SRGAP2: variants seen among roughly 807,000 people sequenced by gnomAD.
SRGAP2 encodes the protein SLIT-ROBO Rho GTPase-activating protein 2.
Under a neutral mutation model 57.2 loss-of-function variants are expected in SRGAP2, and 15 were observed. The observed-to-expected ratio is 0.26, with a 90% CI of 0.18 to 0.40. SRGAP2 has a LOEUF of 0.40. SRGAP2 is among the 10% of genes least tolerant of loss of function. The probability of loss-of-function intolerance (pLI) is 1.00; values close to 1 mark genes in which losing one functional copy is unlikely to be tolerated. For synonymous variants in SRGAP2, 249 were observed against 248.0 expected (o/e 1.00, Z -0.04); for missense variants, 520 against 669.6 (o/e 0.78, Z 2.47).
chr1:206,310,967 C>T (rs1219534768), intron 3 of SRGAP2, among the ~76,000 whole-genome samples: 1 of 149,054 alleles, frequency 6.7e-6, no homozygotes, highest in African/African-American at 2.5e-5. Flanking sequence ...GCTTCTTATT[C>T]CATCCCGAGA....
At chr1:206,216,816 G>GT (rs1666682202) in intron 2 of SRGAP2, among the ~76,000 whole-genome samples, 1 of 91,600 alleles carries the variant, frequency 1.1e-5, no homozygotes, top group Non-Finnish European at 2.1e-5. Flanking sequence ...TTGTTTGTTT[G>GT]TTTGTTTGTT....
At chr1:206,327,259 G>A (rs1439009723) in intron 3 of SRGAP2, among the ~76,000 whole-genome samples, 8 of 150,762 alleles carry the variant, frequency 5.3e-5, no homozygotes, top group Non-Finnish European at 1.0e-4. Flanking sequence ...CCCAGGAGGC[G>A]GAGGTTGCGG....
At chr1:206,394,593 A>G (rs1489841422) in intron 7 of SRGAP2, among the ~76,000 whole-genome samples, 1 of 152,196 alleles carries the variant, frequency 6.6e-6, no homozygotes, top group African/African-American at 2.4e-5. Context: ...TTATGCTGCA[A>G]ATTAGGGTCC....
chr1:206,284,754 C>T (rs2102698321), intron 2 of SRGAP2, among the ~76,000 whole-genome samples: 1 of 151,930 alleles, frequency 6.6e-6, no homozygotes, highest in Admixed American at 6.6e-5. Flanking sequence ...CAGCCAACTT[C>T]TTGTTTTTAA....
chr1:206,389,885 G>A (rs1448095201), intron 5 of SRGAP2, among the ~76,000 whole-genome samples: 26 of 150,754 alleles, frequency 1.7e-4, no homozygotes, highest in Admixed American at 1.7e-3. Flanking sequence ...GTATGTATAT[G>A]TATATCTTTA....
chr1:206,460,365 G>A (rs1034696550), intron 22 of SRGAP2, among the ~76,000 whole-genome samples: 18 of 152,158 alleles, frequency 1.2e-4, no homozygotes, highest in African/African-American at 4.1e-4. Context: ...TTGATTTGCA[G>A]GCAATTGATT....
At position 206,248,061 on chromosome 1, in the gene SRGAP2, GA is replaced by G. The variant is rs1270731614; in HGVS notation, c.67+42033del. 1.5e-4 allele frequency among the ~76,000 whole-genome samples: 23 copies of G among 150,528 alleles called. No homozygotes were observed. The East Asian group carries it at 1.8e-3, about 11-fold the overall frequency. On this transcript the variant is annotated intron_variant, in intron 2 of 22. Coordinates refer to ENST00000573034, the MANE Select transcript of SRGAP2 (RefSeq NM_015326.5). The stretch of plus-strand genomic sequence containing the variant: ...ACCTTTCTCAGAGCAGTGCTATTGG[GA>G]AAAAAAAATCTAGGCATTTTTGTTC...
At chr1:206,327,667 A>T (rs1674045415) in intron 3 of SRGAP2, among the ~76,000 whole-genome samples, 1 of 115,796 alleles carries the variant, frequency 8.6e-6, no homozygotes, top group African/African-American at 3.9e-5. Context: ...TTATTTATTT[A>T]TTTTTTATTT....
intron 21 of SRGAP2, among the ~76,000 whole-genome samples, chr1:206,456,464 G>A (rs779119197): frequency 4.6e-5 from 7 of 152,258 alleles, no homozygotes; most frequent in Admixed American, 1.3e-4. Context: ...TCAAAAGGTC[G>A]TGATCCTATA....
intron 8 of SRGAP2, among the ~76,000 whole-genome samples, chr1:206,404,413 AGG>A (rs1658493102): frequency 6.6e-6 from 1 of 152,216 alleles, no homozygotes. Context: ...TGCAGACAAG[AGG>A]CTAAAGGACG....
At chr1:206,240,842 T>G (rs1376414136) in intron 2 of SRGAP2, among the ~76,000 whole-genome samples, 4 of 152,234 alleles carry the variant, frequency 2.6e-5, no homozygotes, top group Admixed American at 6.5e-5. Context: ...GAACCTGACC[T>G]TTGCACTTTG....
At chr1:206,404,818 G>T (rs2103159238) in intron 8 of SRGAP2, 1 of 162,784 alleles carries the variant, frequency 6.1e-6, no homozygotes, top group South Asian at 1.8e-4. Context: ...GCTGCCAGCA[G>T]TGGCAAGTTA....
chr1:206,262,243 G>A (rs1212192575), intron 2 of SRGAP2, among the ~76,000 whole-genome samples: 2 of 147,950 alleles, frequency 1.4e-5, no homozygotes, highest in Non-Finnish European at 1.5e-5. Context: ...TATAACCTCC[G>A]ATTTATAATT....
At chr1:206,439,545 C>A (rs950255035) in intron 16 of SRGAP2, among the ~76,000 whole-genome samples, 3 of 151,804 alleles carry the variant, frequency 2.0e-5, no homozygotes, top group African/African-American at 7.3e-5. Flanking sequence ...GGCGGCAGCT[C>A]CCTGTCAGTG....
At chr1:206,422,510 A>G (rs1469986289) in intron 13 of SRGAP2, among the ~76,000 whole-genome samples, 1 of 152,202 alleles carries the variant, frequency 6.6e-6, no homozygotes, top group Non-Finnish European at 1.5e-5. Flanking sequence ...AATTTAGTGC[A>G]TTTAAAATTA....
intron 17 of SRGAP2, among the ~76,000 whole-genome samples, chr1:206,440,446 G>A (rs1443183961): frequency 6.6e-6 from 1 of 152,122 alleles, no homozygotes; most frequent in Non-Finnish European, 1.5e-5. Flanking sequence ...CAGTGTACAA[G>A]CAGCAGCCCA....
At chr1:206,254,372 TC>T (rs1553311776) in intron 2 of SRGAP2, among the ~76,000 whole-genome samples, 1 of 148,158 alleles carries the variant, frequency 6.7e-6, no homozygotes, top group East Asian at 2.0e-4. Flanking sequence ...CTCCACCCTA[TC>T]TCCCATTTTA....
intron 2 of SRGAP2, among the ~76,000 whole-genome samples, chr1:206,276,096 CTTCCATGTGGG>C (rs1201090471): frequency 0.027 from 3,520 of 128,910 alleles, 120 homozygotes; most frequent in African/African-American, 0.092. Context: ...CTTTCAACCC[CTTCCATGTGGG>C]TGTTAGACTG....
chr1:206,413,212 CT>C (rs1659370578), intron 10 of SRGAP2, among the ~76,000 whole-genome samples: 1 of 152,170 alleles, frequency 6.6e-6, no homozygotes, highest in African/African-American at 2.4e-5. Flanking sequence ...GTTACAGCTT[CT>C]TGGTGAATTT....
Sources: allele counts gnomAD v4.1 joint callset (sites outside exome capture counted in the v4.1 genomes callset), GRCh38; gene constraint gnomAD v4.1.1; transcripts MANE v1.5; gene names NCBI Gene and HGNC (gene_info 2026-07-23, HGNC 2026-07-21).